CD247: variants seen among roughly 807,000 people sequenced by gnomAD.
CD247 encodes the protein T-cell surface glycoprotein CD3 zeta chain.
Under a neutral mutation model 30.0 loss-of-function variants are expected in CD247, and 13 were observed. The ratio of observed to expected loss-of-function variants is 0.43; its 90% CI spans 0.28 to 0.69. The LOEUF is 0.69. Ranked by LOEUF, CD247 falls within the 30% of genes least tolerant of loss-of-function variation. The pLI, the probability that CD247 is intolerant of heterozygous loss-of-function variation, is 0.16. For missense variants in CD247, 193 were observed against 212.6 expected (o/e 0.91, Z 0.57); for synonymous variants, 72 against 80.0 (o/e 0.90, Z 0.53).
At chr1:167,455,610 C>T (rs1261666977) in intron 1 of CD247, among the ~76,000 whole-genome samples, 1 of 152,158 alleles carries the variant, frequency 6.6e-6, no homozygotes, top group East Asian at 1.9e-4. Flanking sequence ...CGAGCGCTGC[C>T]ATCCAGGGCC....
chr1:167,447,808 C>T (rs1412609801), intron 1 of CD247, among the ~76,000 whole-genome samples: 1 of 152,170 alleles, frequency 6.6e-6, no homozygotes. Context: ...TTTCTACTCG[C>T]CAACCTTCCT....
chr1:167,504,482 A>G (rs1291114716), intron 1 of CD247, among the ~76,000 whole-genome samples: 4 of 152,240 alleles, frequency 2.6e-5, no homozygotes, highest in Non-Finnish European at 5.9e-5. Flanking sequence ...ATGTATGATT[A>G]AAACAGGCAC....
intron 6 of CD247, 148 bp downstream of exon 6, chr1:167,433,872 T>TGACA (rs901927483): frequency 8.9e-6 from 7 of 786,708 alleles, no homozygotes; most frequent in Non-Finnish European, 1.6e-5. Flanking sequence ...CCCGGCTGGG[T>TGACA]GACAGCCAGG....
intron 1 of CD247, among the ~76,000 whole-genome samples, chr1:167,468,825 C>T (rs1653379558): frequency 1.3e-5 from 2 of 152,082 alleles, no homozygotes; most frequent in Admixed American, 6.6e-5. Flanking sequence ...GTCATGCAGT[C>T]GCTCCTAGAC....
intron 5 of CD247, chr1:167,434,590 G>A (rs1310491373): frequency 2.8e-6 from 1 of 362,704 alleles, no homozygotes; most frequent in South Asian, 2.1e-5. Flanking sequence ...AGGAGGGTGA[G>A]GTTGACCTTC....
rs1033503637 is a variant in CD247 at position 167,494,852 on chromosome 1, G to A, written c.58+23556C>T. ...CCTTGGATTTCAGAGCTGGAAAGAG[G>A]GTTAGAGACCTATTCCAGGACTTTA... On this transcript the variant is annotated intron_variant, in intron 1 of 7. Coordinates refer to ENST00000362089, the MANE Select transcript of CD247 (RefSeq NM_198053.3). This position sits in a 1 kb window ranked among gnomAD's most constrained non-coding sequence, Gnocchi z 7.3. 6.6e-6 allele frequency among the ~76,000 whole-genome samples: 1 copy of A among 152,178 alleles called. No homozygotes were observed. The highest frequency in any genetic ancestry group is 2.4e-5 in the African/African-American group (1 of 41,444).
At chr1:167,483,020 T>TTCTTTCTTTCTTTCTTTCTTTCTTTC (rs1654039967) in intron 1 of CD247, among the ~76,000 whole-genome samples, 1 of 106,250 alleles carries the variant, frequency 9.4e-6, no homozygotes, top group Non-Finnish European at 2.0e-5. Flanking sequence ...TTCTTTTTTT[T>TTCTTTCTTTCTTTCTTTCTTTCTTTC]TTTTTGAGAC....
chr1:167,518,342 ACCCACT>A, intron 1 of CD247, 60 bp downstream of exon 1: 1 of 1,476,580 alleles, frequency 6.8e-7, no homozygotes, highest in Non-Finnish European at 9.5e-7. Context: ...CACTACCCAC[ACCCACT>A]CCCCTACACA....
chr1:167,450,538 G>T lies in CD247; in HGVS notation c.59-9771C>A, dbSNP rs537018921. On this transcript the variant is annotated intron_variant, in intron 1 of 7. Coordinates refer to ENST00000362089, the MANE Select transcript of CD247 (RefSeq NM_198053.3). ...AATAATAATACTTTGAAAAATGAAA[G>T]CTAAGACTAATAGTCCAAGAGATAA... 1.2e-4 allele frequency among the ~76,000 whole-genome samples: 19 copies of T among 152,162 alleles called. No homozygotes were observed. In the South Asian group the frequency reaches 3.7e-3, roughly 30 times the overall value.
chr1:167,450,978 G>A (rs909892744), intron 1 of CD247, among the ~76,000 whole-genome samples: 2 of 151,748 alleles, frequency 1.3e-5, no homozygotes, highest in African/African-American at 4.8e-5. Flanking sequence ...ATGAAAGTAT[G>A]AAGTGACAAA....
intron 1 of CD247, among the ~76,000 whole-genome samples, chr1:167,504,744 G>A (rs926899477): frequency 6.6e-6 from 1 of 152,198 alleles, no homozygotes; most frequent in Admixed American, 6.5e-5. Context: ...GGGACGCTAG[G>A]GCAGTGGGGC....
In CD247 at chr1:167,494,166, G is replaced by C. The variant is rs77752240; in HGVS notation, c.58+24242C>G. On this transcript the variant is annotated intron_variant, in intron 1 of 7. Transcript: ENST00000362089. This position sits in a 1 kb window ranked among gnomAD's most constrained non-coding sequence, Gnocchi z 7.3. ...AACTGAGTCAGGAGACACTTTAGAC[G>C]ATGGAGGGTTGGGGGATGGAGGTGG... Among the ~76,000 whole-genome samples, 17 of 152,104 alleles carry C rather than the reference G, an allele frequency of 1.1e-4. No homozygotes were observed. The highest frequency in any genetic ancestry group is 4.1e-4 in the African/African-American group (17 of 41,384).
At chr1:167,497,923 GA>G (rs1654757910) in intron 1 of CD247, among the ~76,000 whole-genome samples, 1 of 152,206 alleles carries the variant, frequency 6.6e-6, no homozygotes, top group African/African-American at 2.4e-5. Flanking sequence ...CAAGGGAGAA[GA>G]AAAAAGATGC....
intron 1 of CD247, among the ~76,000 whole-genome samples, chr1:167,481,172 A>G (rs928400170): frequency 2.6e-5 from 4 of 152,346 alleles, no homozygotes; most frequent in African/African-American, 9.6e-5. Context: ...ATGTGGTCTC[A>G]GCTACTTAGG....
chr1:167,515,185 T>C (rs1009675240), intron 1 of CD247, among the ~76,000 whole-genome samples: 1 of 152,226 alleles, frequency 6.6e-6, no homozygotes, highest in African/African-American at 2.4e-5. Flanking sequence ...ATGAAAAATT[T>C]GTACTGGTAT....
chr1:167,449,001 T>C (rs1652219463), intron 1 of CD247, among the ~76,000 whole-genome samples: 2 of 152,186 alleles, frequency 1.3e-5, no homozygotes, highest in Non-Finnish European at 2.9e-5. Flanking sequence ...TGTATTCCCA[T>C]AGATAAGGGT....
intron 2 of CD247, chr1:167,439,662 C>G (rs950212974): frequency 1.8e-6 from 1 of 545,238 alleles, no homozygotes; most frequent in Non-Finnish European, 3.3e-6. Flanking sequence ...TTATTCTTCC[C>G]GGGCTAGCGC....
At chr1:167,457,122 C>T (rs1652715834) in intron 1 of CD247, among the ~76,000 whole-genome samples, 1 of 152,222 alleles carries the variant, frequency 6.6e-6, no homozygotes, top group Admixed American at 6.5e-5. Context: ...TGTGAGGTAC[C>T]AGCCTGCTTT....
chr1:167,454,352 C>T (rs1652525332), intron 1 of CD247, among the ~76,000 whole-genome samples: 1 of 152,150 alleles, frequency 6.6e-6, no homozygotes, highest in Non-Finnish European at 1.5e-5. Context: ...GTGTTTGGAA[C>T]TCTAACTATG....
Sources: gnomAD v4.1 joint callset for allele counts (sites outside exome capture counted in the v4.1 genomes callset) on GRCh38, gnomAD v4.1.1 for gene constraint, Gnocchi (gnomAD v3.1) non-coding constraint, MANE v1.5 for transcripts, NCBI Gene and HGNC (gene_info 2026-07-23, HGNC 2026-07-21) for gene names.